PCDH15: variants seen among roughly 807,000 people sequenced by gnomAD.
The protein encoded by PCDH15 is protocadherin related 15, also known as protocadherin-15.
PCDH15 carries 129 observed loss-of-function variants against 178.5 expected under a neutral mutation model. That is an observed-to-expected ratio of 0.72 (90% CI 0.63 to 0.84). PCDH15 has a LOEUF of 0.84. Among genes scored for constraint, PCDH15 ranks in the 40% least tolerant of loss-of-function variants. The probability of loss-of-function intolerance (pLI) is 0.00; values close to 1 mark genes in which losing one functional copy is unlikely to be tolerated. For missense variants in PCDH15, 2,230 were observed against 2,099.9 expected (o/e 1.06, Z -1.21); for synonymous variants, 800 against 732.0 (o/e 1.09, Z -1.50).
chr10:53,809,633 T>C, intron 37 of PCDH15: 3 of 1,281,312 alleles, frequency 2.3e-6, no homozygotes, highest in Non-Finnish European at 3.2e-6. Context: ...CAGGAATGAA[T>C]CTGTGGGTGA....
At chr10:55,155,087 G>A (rs1189645942) in intron 2 of PCDH15, among the ~76,000 whole-genome samples, 1 of 102,492 alleles carries the variant, frequency 9.8e-6, no homozygotes, top group Non-Finnish European at 2.5e-5. Flanking sequence ...ATGTAGTTAG[G>A]TATAATAGTA....
At chr10:54,177,703 A>G (rs2047576305) in intron 13 of PCDH15, among the ~76,000 whole-genome samples, 1 of 152,194 alleles carries the variant, frequency 6.6e-6, no homozygotes, top group Non-Finnish European at 1.5e-5. Context: ...GGGAAAACAA[A>G]CAAGACTGCA....
chr10:54,280,738 G>A (rs532464663), intron 8 of PCDH15, among the ~76,000 whole-genome samples: 6 of 151,618 alleles, frequency 4.0e-5, no homozygotes, highest in African/African-American at 1.4e-4. Flanking sequence ...TCGGCTTTTC[G>A]TAGATGTTCC....
intron 2 of PCDH15, among the ~76,000 whole-genome samples, chr10:55,038,240 T>C (rs917587840): frequency 1.2e-4 from 19 of 152,220 alleles, no homozygotes; most frequent in African/African-American, 4.3e-4. Flanking sequence ...TATAGTCTTC[T>C]TTGGAATTTG....
intron 2 of PCDH15, among the ~76,000 whole-genome samples, chr10:54,603,145 G>A (rs573898737): frequency 3.3e-5 from 5 of 151,866 alleles, no homozygotes; most frequent in East Asian, 1.9e-4. Flanking sequence ...GTATTACTTC[G>A]CATTTATCTA....
intron 2 of PCDH15, among the ~76,000 whole-genome samples, chr10:55,556,512 A>AT (rs572284705): frequency 3.4e-4 from 52 of 152,052 alleles, no homozygotes; most frequent in Non-Finnish European, 6.3e-4. Context: ...TTTTAATCTT[A>AT]TTTTTTGTAG....
At chr10:54,085,933 A>C (rs1350825613) in intron 16 of PCDH15, among the ~76,000 whole-genome samples, 1 of 152,196 alleles carries the variant, frequency 6.6e-6, no homozygotes, top group Admixed American at 6.6e-5. Context: ...TAAAGTATAC[A>C]ATAGACATGT....
intron 20 of PCDH15, among the ~76,000 whole-genome samples, chr10:54,018,270 C>G (rs2092806303): frequency 6.6e-6 from 1 of 152,004 alleles, no homozygotes. Flanking sequence ...TATTGTAGTA[C>G]TGGCCACTAA....
chr10:54,161,977 C>A (rs563529160), intron 13 of PCDH15, among the ~76,000 whole-genome samples: 1 of 152,180 alleles, frequency 6.6e-6, no homozygotes, highest in African/African-American at 2.4e-5. Flanking sequence ...AGCAGCAGGA[C>A]CTAGATGAAA....
At chr10:55,355,370 TTC>T (rs1292892214) in intron 2 of PCDH15, among the ~76,000 whole-genome samples, 1 of 152,030 alleles carries the variant, frequency 6.6e-6, no homozygotes, top group Non-Finnish European at 1.5e-5. Flanking sequence ...TATTCAAGTA[TTC>T]TCATTTCTCC....
chr10:54,622,668 TTATA>T (rs1255092636), intron 2 of PCDH15, among the ~76,000 whole-genome samples: 1 of 89,662 alleles, frequency 1.1e-5, no homozygotes, highest in Non-Finnish European at 2.0e-5. Flanking sequence ...ATAATATATA[TTATA>T]TATAATATAT....
At chr10:54,082,310 C>T (rs527441657) in intron 16 of PCDH15, among the ~76,000 whole-genome samples, 1 of 152,130 alleles carries the variant, frequency 6.6e-6, no homozygotes, top group Non-Finnish European at 1.5e-5. Flanking sequence ...ACACTTGAGG[C>T]GTATAATAGA....
chr10:54,617,470 T>C (rs1486383928), intron 2 of PCDH15, among the ~76,000 whole-genome samples: 2 of 152,092 alleles, frequency 1.3e-5, no homozygotes, highest in Non-Finnish European at 2.9e-5. Flanking sequence ...TATATGTATA[T>C]GGAAAATTAC....
At chr10:54,476,836 C>T (rs968275932) in intron 3 of PCDH15, among the ~76,000 whole-genome samples, 5 of 152,100 alleles carry the variant, frequency 3.3e-5, no homozygotes, top group Non-Finnish European at 7.4e-5. Context: ...AACCTGTAAT[C>T]CTGATTCCAT....
chr10:54,980,761 T>C (rs1839213070), intron 2 of PCDH15, among the ~76,000 whole-genome samples: 1 of 152,106 alleles, frequency 6.6e-6, no homozygotes, highest in Non-Finnish European at 1.5e-5. Context: ...TTTTTTCAAA[T>C]TTAGGTGTAT....
intron 27 of PCDH15, among the ~76,000 whole-genome samples, chr10:53,862,818 C>A (rs2079187005): frequency 2.0e-5 from 3 of 152,174 alleles, no homozygotes; most frequent in Admixed American, 2.0e-4. Context: ...CAGATGTACT[C>A]TATGCATACT....
At position 54,662,604 on chromosome 10, in the gene PCDH15, C is replaced by T. The variant is rs117982787; in HGVS notation, c.91+1568G>A. Among the ~76,000 whole-genome samples the T allele has an allele frequency of 3.1e-3, 468 of 151,950 alleles. 1 individual carries two copies. Among genetic ancestry groups the T allele is most frequent in the Admixed American group, 5.2e-3 (79 of 15,216 alleles). ...AAGACTAAGAGCTACAACAAGCTTACGAAGAAAACCAATTTATAGCATTAC... is the reference window on the plus strand; with the variant it reads ...AAGACTAAGAGCTACAACAAGCTTATGAAGAAAACCAATTTATAGCATTAC... On this transcript the variant is annotated intron_variant, in intron 2 of 37. Transcript: ENST00000644397.
At chr10:54,241,362 T>C (rs1241769879) in intron 8 of PCDH15, among the ~76,000 whole-genome samples, 1 of 152,236 alleles carries the variant, frequency 6.6e-6, no homozygotes, top group Non-Finnish European at 1.5e-5. Flanking sequence ...TATGCTTGGG[T>C]ATCCTTTATG....
intron 13 of PCDH15, among the ~76,000 whole-genome samples, chr10:54,175,355 T>C (rs911405010): frequency 5.3e-5 from 8 of 152,198 alleles, no homozygotes; most frequent in African/African-American, 1.7e-4. Flanking sequence ...CAGAATTTAA[T>C]ATGTAATTTT....
Sources: gnomAD v4.1 joint callset for allele counts (sites outside exome capture counted in the v4.1 genomes callset) on GRCh38, gnomAD v4.1.1 for gene constraint, MANE v1.5 for transcripts, NCBI Gene and HGNC (gene_info 2026-07-23, HGNC 2026-07-21) for gene names.